RGL1: variants seen among roughly 807,000 people sequenced by gnomAD.
RGL1 encodes the protein ral guanine nucleotide dissociation stimulator-like 1.
A neutral mutation model predicts 95.2 loss-of-function variants in RGL1; 24 were observed. The observed-to-expected ratio is 0.25, with a 90% CI of 0.18 to 0.35. The LOEUF (loss-of-function observed/expected upper bound fraction) is 0.35, where lower values mean the gene tolerates loss of function less well. Ranked by LOEUF, RGL1 falls within the 10% of genes least tolerant of loss-of-function variation. The pLI is 1.00. For synonymous variants in RGL1, 329 were observed against 344.9 expected, an observed-to-expected ratio of 0.95 and a Z score of 0.51; for missense variants, 715 against 936.3, an observed-to-expected ratio of 0.76 and a Z score of 3.08.
At chr1:183,772,005 G>C (rs1050657374) in intron 2 of RGL1, among the ~76,000 whole-genome samples, 1 of 152,240 alleles carries the variant, frequency 6.6e-6, no homozygotes, top group African/African-American at 2.4e-5. Flanking sequence ...AGCAGGTTTA[G>C]GCGGAGTTTG....
At chr1:183,852,568 CTT>C (rs1463676299) in intron 3 of RGL1, among the ~76,000 whole-genome samples, 2 of 152,168 alleles carry the variant, frequency 1.3e-5, no homozygotes, top group African/African-American at 4.8e-5. Context: ...AATCCCAGCA[CTT>C]TGGGAGGCTG....
chr1:183,906,455 C>A (rs1309684739), intron 13 of RGL1, among the ~76,000 whole-genome samples: 1 of 151,908 alleles, frequency 6.6e-6, no homozygotes, highest in African/African-American at 2.4e-5. Flanking sequence ...CATGGTGAAA[C>A]CCCATCTCTA....
chr1:183,910,165 TG>T (rs1278473722), intron 14 of RGL1, among the ~76,000 whole-genome samples: 1 of 152,164 alleles, frequency 6.6e-6, no homozygotes, highest in East Asian at 1.9e-4. Flanking sequence ...GGAGTGATCT[TG>T]GCTCACTGTA....
chr1:183,658,855 A>C (rs1651394026), intron 1 of RGL1, among the ~76,000 whole-genome samples: 1 of 150,614 alleles, frequency 6.6e-6, no homozygotes, highest in Non-Finnish European at 1.5e-5. Flanking sequence ...TACTCCTCTG[A>C]GACAAAACTT....
intron 1 of RGL1, among the ~76,000 whole-genome samples, chr1:183,683,646 G>C (rs540783198): frequency 6.6e-6 from 1 of 152,044 alleles, no homozygotes; most frequent in East Asian, 1.9e-4. Context: ...ATGTGTCTTG[G>C]GGTTGCTCTT....
chr1:183,868,099 G>A (rs1665948228), intron 4 of RGL1, among the ~76,000 whole-genome samples: 1 of 152,162 alleles, frequency 6.6e-6, no homozygotes, highest in Non-Finnish European at 1.5e-5. Flanking sequence ...CTTTGATCTG[G>A]GCCCTGAAGC....
intron 13 of RGL1, among the ~76,000 whole-genome samples, chr1:183,905,731 G>A (rs1057213943): frequency 3.9e-5 from 6 of 152,136 alleles, no homozygotes; most frequent in Non-Finnish European, 5.9e-5. Flanking sequence ...CTGTCCTGTA[G>A]CCTGCTCGCT....
chr1:183,687,476 A>G (rs1369045777), intron 1 of RGL1, among the ~76,000 whole-genome samples: 1 of 152,180 alleles, frequency 6.6e-6, no homozygotes, highest in Non-Finnish European at 1.5e-5. Flanking sequence ...TGTTCTTGAG[A>G]TTGATATTAG....
At chr1:183,899,453 G>T (rs1444949871) in intron 10 of RGL1, among the ~76,000 whole-genome samples, 3 of 152,202 alleles carry the variant, frequency 2.0e-5, no homozygotes, top group African/African-American at 7.2e-5. Flanking sequence ...ACAGTTTGAG[G>T]TTGTCTGCTG....
intron 9 of RGL1, among the ~76,000 whole-genome samples, chr1:183,895,576 G>A (rs1364604584): frequency 6.6e-6 from 1 of 152,144 alleles, no homozygotes; most frequent in East Asian, 1.9e-4. Context: ...TTGACAAAAA[G>A]AAGAATCACT....
chr1:183,795,192 G>A (rs1660636154), intron 2 of RGL1, among the ~76,000 whole-genome samples: 1 of 152,104 alleles, frequency 6.6e-6, no homozygotes, highest in Non-Finnish European at 1.5e-5. Flanking sequence ...TTATAGCATG[G>A]TATCTATCTA....
intron 2 of RGL1, among the ~76,000 whole-genome samples, chr1:183,758,233 G>C (rs1240232950): frequency 6.8e-6 from 1 of 146,064 alleles, no homozygotes; most frequent in Non-Finnish European, 1.5e-5. Context: ...GTCTCGCTCT[G>C]TCGCCCAGGC....
intron 16 of RGL1, among the ~76,000 whole-genome samples, chr1:183,921,918 A>G (rs1669327037): frequency 6.6e-6 from 1 of 152,206 alleles, no homozygotes; most frequent in Admixed American, 6.5e-5. Flanking sequence ...TCCCTCATAT[A>G]TATTCTTTCA....
chr1:183,798,107 G>T (rs1460287454), intron 2 of RGL1, among the ~76,000 whole-genome samples: 1 of 152,166 alleles, frequency 6.6e-6, no homozygotes, highest in Admixed American at 6.5e-5. Flanking sequence ...GGTAAGTAGA[G>T]GCAATTTGTG....
chr1:183,753,369 T>C (rs928913830), intron 2 of RGL1, among the ~76,000 whole-genome samples: 4 of 152,240 alleles, frequency 2.6e-5, no homozygotes, highest in Non-Finnish European at 5.9e-5. Context: ...TTTATATTTT[T>C]ATTTTTTCAA....
intron 1 of RGL1, among the ~76,000 whole-genome samples, chr1:183,682,925 C>T (rs1054738067): frequency 2.6e-5 from 4 of 151,694 alleles, no homozygotes; most frequent in Non-Finnish European, 2.9e-5. Context: ...TAATGTAATG[C>T]CCTTCTTTGT....
intron 1 of RGL1, among the ~76,000 whole-genome samples, chr1:183,657,976 T>C (rs1301153703): frequency 6.6e-6 from 1 of 152,242 alleles, no homozygotes; most frequent in African/African-American, 2.4e-5. Flanking sequence ...TTTTAATGAT[T>C]GCCATTCTAA....
intron 14 of RGL1, among the ~76,000 whole-genome samples, chr1:183,910,350 G>T (rs572668070): frequency 6.6e-6 from 1 of 152,098 alleles, no homozygotes; most frequent in Non-Finnish European, 1.5e-5. Flanking sequence ...AGCCTGCCTC[G>T]GCCTCCCAAA....
intron 2 of RGL1, among the ~76,000 whole-genome samples, chr1:183,755,119 A>T (rs1336674828): frequency 6.6e-6 from 1 of 152,110 alleles, no homozygotes; most frequent in African/African-American, 2.4e-5. Flanking sequence ...GTGATCTTAA[A>T]AGTTGAAAGT....
Sources: gnomAD v4.1 joint callset for allele counts (sites outside exome capture counted in the v4.1 genomes callset) on GRCh38, gnomAD v4.1.1 for gene constraint, MANE v1.5 for transcripts, NCBI Gene and HGNC (gene_info 2026-07-23, HGNC 2026-07-21) for gene names.